Variants in CFAP44 observed in about 807,000 individuals in gnomAD.
CFAP44 encodes the protein cilia- and flagella-associated protein 44.
CFAP44 carries 134 observed loss-of-function variants against 216.2 expected under a neutral mutation model. The ratio of observed to expected loss-of-function variants is 0.62; its 90% CI spans 0.54 to 0.72. The LOEUF is 0.72. Among genes scored for constraint, CFAP44 ranks in the 30% least tolerant of loss-of-function variants. The pLI is 0.00. For synonymous variants in CFAP44, 700 were observed against 727.6 expected (o/e 0.96, Z 0.61); for missense variants, 2,035 against 2,182.1 (o/e 0.93, Z 1.34).
At chr3:113,329,973 T>C (rs1192158888) in intron 26 of CFAP44, among the ~76,000 whole-genome samples, 195 bp downstream of exon 26, 1 of 152,092 alleles carries the variant, frequency 6.6e-6, no homozygotes, top group Admixed American at 6.5e-5. Flanking sequence ...AGCTCTGTAG[T>C]TCTGGGAAGA....
chr3:113,398,058 G>A (rs1231162755), intron 13 of CFAP44, among the ~76,000 whole-genome samples: 1 of 151,942 alleles, frequency 6.6e-6, no homozygotes, highest in Non-Finnish European at 1.5e-5. Flanking sequence ...GAGAATTTAG[G>A]GAATAAAAAA....
chr3:113,393,333 C>G (rs1314152736), intron 15 of CFAP44, among the ~76,000 whole-genome samples: 1 of 152,096 alleles, frequency 6.6e-6, no homozygotes, highest in Non-Finnish European at 1.5e-5. Flanking sequence ...ATGTTTGTCC[C>G]CTCCAAATCT....
At chr3:113,400,716 A>G (rs1292574726) in intron 11 of CFAP44, 72 bp from the exon 12 acceptor site, 1 of 1,354,386 alleles carries the variant, frequency 7.4e-7, no homozygotes, top group Non-Finnish European at 1.0e-6. Context: ...GTTTAAAAAA[A>G]TGCAAAGATA....
intron 5 of CFAP44, among the ~76,000 whole-genome samples, chr3:113,418,261 ATT>A (rs962267596): frequency 3.3e-5 from 5 of 151,790 alleles, no homozygotes; most frequent in Admixed American, 3.3e-4. Context: ...TAATTTTTGT[ATT>A]TTTAGTAGAT....
chr3:113,415,379 C>G (rs1417336950), intron 6 of CFAP44, among the ~76,000 whole-genome samples: 1 of 151,914 alleles, frequency 6.6e-6, no homozygotes, highest in Non-Finnish European at 1.5e-5. Context: ...CTTCTCTGAT[C>G]TTAGTTATTT....
chr3:113,308,351 A>G (rs549756945), intron 28 of CFAP44, 83 bp from the exon 29 acceptor site: 13 of 1,126,820 alleles, frequency 1.2e-5, no homozygotes, highest in African/African-American at 9.5e-5. Context: ...CTATTTTTCA[A>G]TGAGTTAGTC....
intron 15 of CFAP44, among the ~76,000 whole-genome samples, chr3:113,384,539 T>C (rs1213120290): frequency 2.0e-5 from 3 of 152,190 alleles, no homozygotes; most frequent in African/African-American, 7.2e-5. Context: ...GGTGGGCCCT[T>C]AATCCAATAT....
chr3:113,304,277 C>G, intron 31 of CFAP44, 160 bp from the exon 32 acceptor site: 1 of 673,054 alleles, frequency 1.5e-6, no homozygotes, highest in Non-Finnish European at 2.5e-6. Flanking sequence ...CAGGCAAACA[C>G]AGAAAGATGC....
chr3:113,294,628 A>T (rs1395605070), intron 34 of CFAP44, 59 bp downstream of exon 34: 2 of 1,464,628 alleles, frequency 1.4e-6, no homozygotes, highest in South Asian at 2.9e-5. Context: ...TCTTGTGAAT[A>T]GCTACCTTTG....
intron 24 of CFAP44, 65 bp from the exon 25 acceptor site, chr3:113,333,648 T>G: frequency 4.3e-6 from 6 of 1,388,292 alleles, no homozygotes; most frequent in Non-Finnish European, 5.6e-6. Context: ...TTGTCTACTT[T>G]AATATAGGCA....
chr3:113,385,010 A>G (rs527643070), intron 15 of CFAP44, among the ~76,000 whole-genome samples: 12 of 152,182 alleles, frequency 7.9e-5, no homozygotes, highest in Non-Finnish European at 1.5e-4. Flanking sequence ...GTGGAAGGTA[A>G]TCGGATCATT....
intron 9 of CFAP44, 107 bp downstream of exon 9, chr3:113,403,745 G>C: frequency 1.6e-6 from 2 of 1,250,482 alleles, no homozygotes; most frequent in South Asian, 4.1e-5. Context: ...GGGAGTAAAT[G>C]ACTACTGATC....
chr3:113,400,668 T>C (rs1335377627), intron 11 of CFAP44, 24 bp from the exon 12 acceptor site: 2 of 1,587,398 alleles, frequency 1.3e-6, no homozygotes, highest in South Asian at 1.1e-5. Flanking sequence ...GACAGCTTAC[T>C]AGATCTCAAA....
chr3:113,418,370 A>T (rs1576601831), intron 5 of CFAP44, among the ~76,000 whole-genome samples: 1 of 152,140 alleles, frequency 6.6e-6, no homozygotes, highest in Non-Finnish European at 1.5e-5. Flanking sequence ...TACAGGCAGG[A>T]GCCACCGCGC....
At chr3:113,350,985 T>A (rs554966544) in intron 22 of CFAP44, among the ~76,000 whole-genome samples, 2 of 152,318 alleles carry the variant, frequency 1.3e-5, no homozygotes, top group African/African-American at 4.8e-5. Context: ...CAATAGATGG[T>A]TCCTCCTGGG....
chr3:113,306,324 A>G lies in CFAP44; in HGVS notation c.4635T>C (p.Asp1545=). The change falls in exon 30 of 35, where the codon GAT becomes GAC. Residue 1545 remains aspartate (D), a synonymous_variant. Transcript: ENST00000393845. ...FDDSICPTNC[D]VALFELALHL... is the part of the protein sequence containing the mutation. ...GAAGGGCCAGCTCAAAAAGAGCCAC[A>G]TCACAATCTGCCAAGAGAATTAAAA... is the stretch of plus-strand genomic sequence containing the variant. The G allele has an allele frequency of 6.5e-7, 1 of 1,536,234 alleles. No individual in the cohort carries two copies. The highest frequency in any genetic ancestry group is 8.7e-7 in the Non-Finnish European group (1 of 1,146,574).
In CFAP44 at chr3:113,326,563, T is replaced by G; in HGVS notation, c.4398A>C (p.Ala1466=). ...EITKLQEQEK[A]LYAGFQAAIG... ...TGGCTGCTTGAAAACCAGCATAGAG[T>G]GCCTTTTCTTGCTCCTGGAGTTTGG... The change falls in exon 28 of 35, where the codon GCA becomes GCC. Residue 1466 remains alanine, a synonymous_variant. Transcript: ENST00000393845. 6.5e-7 allele frequency: 1 copy of G among 1,533,612 alleles called. No individual in the cohort carries two copies. Among genetic ancestry groups the G allele is most frequent in the Non-Finnish European group, 8.7e-7 (1 of 1,145,574 alleles).
intron 15 of CFAP44, among the ~76,000 whole-genome samples, chr3:113,385,759 C>CCTGGGTGGGA (rs1933634329): frequency 6.6e-6 from 1 of 151,934 alleles, no homozygotes; most frequent in Non-Finnish European, 1.5e-5. Context: ...CCCACCTCAG[C>CCTGGGTGGGA]CTCCCCAGTA....
At chr3:113,424,083 A>T (rs1297687313) in intron 4 of CFAP44, among the ~76,000 whole-genome samples, 1 of 152,224 alleles carries the variant, frequency 6.6e-6, no homozygotes, top group Non-Finnish European at 1.5e-5. Flanking sequence ...GTATGTAAGG[A>T]GGCAGCTTTA....
Sources: gnomAD v4.1 joint callset for allele counts (sites outside exome capture counted in the v4.1 genomes callset) on GRCh38, gnomAD v4.1.1 for gene constraint, MANE v1.5 for transcripts, NCBI Gene and HGNC (gene_info 2026-07-23, HGNC 2026-07-21) for gene names.